Variants in SLC4A4 observed in about 807,000 individuals in gnomAD.
SLC4A4 encodes solute carrier family 4 member 4, also known as electrogenic sodium bicarbonate cotransporter 1.
In SLC4A4, 27 loss-of-function variants were observed where a neutral mutation model predicts 111.5. The ratio of observed to expected loss-of-function variants is 0.24; its 90% confidence interval spans 0.18 to 0.33. SLC4A4 has a LOEUF of 0.33. Ranked by LOEUF, SLC4A4 falls within the 10% of genes least tolerant of loss-of-function variation. SLC4A4 has a pLI of 1.00. For synonymous variants in SLC4A4, 443 were observed against 463.4 expected, an observed-to-expected ratio of 0.96 and a Z score of 0.57; for missense variants, 909 against 1,315.5, an observed-to-expected ratio of 0.69 and a Z score of 4.78.
intron 2 of SLC4A4, among the ~76,000 whole-genome samples, chr4:71,179,648 T>C (rs1196087819): frequency 6.6e-6 from 1 of 152,080 alleles, no homozygotes; most frequent in Admixed American, 6.5e-5. Flanking sequence ...TTACAAGGGA[T>C]GTGAAGGACC....
At chr4:71,525,265 T>A (rs556271620) in intron 16 of SLC4A4, among the ~76,000 whole-genome samples, 25 of 152,280 alleles carry the variant, frequency 1.6e-4, no homozygotes, top group Admixed American at 8.5e-4. Flanking sequence ...GCTGGCTTCT[T>A]ATTAGATTAA....
chr4:71,226,674 A>G (rs985478936), intron 1 of SLC4A4, among the ~76,000 whole-genome samples: 1 of 152,176 alleles, frequency 6.6e-6, no homozygotes, highest in Non-Finnish European at 1.5e-5. Flanking sequence ...TCTTCAGTTG[A>G]ATAACAGGCT....
chr4:71,312,000 A>G (rs1444373969), intron 3 of SLC4A4, among the ~76,000 whole-genome samples: 1 of 151,872 alleles, frequency 6.6e-6, no homozygotes, highest in Non-Finnish European at 1.5e-5. Flanking sequence ...TTTTGAAAAG[A>G]TTAACAAAAT....
chr4:71,141,326 C>T (rs1743989761), intron 2 of SLC4A4, among the ~76,000 whole-genome samples: 1 of 152,224 alleles, frequency 6.6e-6, no homozygotes, highest in Admixed American at 6.5e-5. Flanking sequence ...AAAACCCTTA[C>T]ATCACTTTCT....
At chr4:71,328,555 A>G (rs1727689789) in intron 3 of SLC4A4, among the ~76,000 whole-genome samples, 1 of 151,964 alleles carries the variant, frequency 6.6e-6, no homozygotes, top group Non-Finnish European at 1.5e-5. Context: ...TTTGATTTGC[A>G]TTTCTCTGAT....
At position 71,424,405 on chromosome 4, in the gene SLC4A4, A is replaced by G. The variant is rs970387892; in HGVS notation, c.808-16211A>G. On this transcript the variant is annotated intron_variant, in intron 7 of 25. Coordinates refer to ENST00000264485, the MANE Select transcript of SLC4A4 (RefSeq NM_001098484.3). ...TACACTGTTGGTGGGACTGTAAACT[A>G]GTTCAACCATTGTGGAAGTCAGTGT... Among the ~76,000 whole-genome samples the G allele has an allele frequency of 1.9e-4, 29 of 151,462 alleles. 1 individual carries two copies. The highest frequency in any genetic ancestry group is 6.8e-4 in the African/African-American group (28 of 41,366).
At chr4:71,459,637 A>C (rs1726633696) in intron 12 of SLC4A4, among the ~76,000 whole-genome samples, 1 of 152,120 alleles carries the variant, frequency 6.6e-6, no homozygotes, top group Non-Finnish European at 1.5e-5. Context: ...AAACAAAAAA[A>C]TGTAGGTGAT....
intron 8 of SLC4A4, among the ~76,000 whole-genome samples, chr4:71,443,108 C>CTA (rs1724887409): frequency 2.9e-5 from 3 of 101,960 alleles, no homozygotes; most frequent in African/African-American, 4.5e-5. Context: ...CTCTCTCTCT[C>CTA]TCTCTCTCTA....
chr4:71,505,407 G>T (rs1001326797), intron 16 of SLC4A4, among the ~76,000 whole-genome samples: 5 of 149,356 alleles, frequency 3.3e-5, no homozygotes, highest in Non-Finnish European at 4.4e-5. Flanking sequence ...TGTGAGAGAG[G>T]ATCTCATTGC....
intron 3 of SLC4A4, among the ~76,000 whole-genome samples, chr4:71,334,674 A>G (rs564869220): frequency 6.6e-6 from 1 of 152,326 alleles, no homozygotes; most frequent in Admixed American, 6.5e-5. Context: ...CCTATATGTA[A>G]TAAATAAGAC....
At chr4:71,484,167 C>T (rs1246286918) in intron 14 of SLC4A4, among the ~76,000 whole-genome samples, 2 of 151,810 alleles carry the variant, frequency 1.3e-5, no homozygotes, top group African/African-American at 4.8e-5. Context: ...TGCAGAAGCG[C>T]TTTAGTTTAA....
intron 16 of SLC4A4, among the ~76,000 whole-genome samples, chr4:71,511,281 A>G (rs894833002): frequency 3.9e-5 from 6 of 152,044 alleles, no homozygotes; most frequent in Non-Finnish European, 7.4e-5. Context: ...TCTCTTTAGC[A>G]TTTCTTGTAA....
At chr4:71,068,566 C>CT (rs112103697) in intron 1 of SLC4A4, among the ~76,000 whole-genome samples, 88 of 143,032 alleles carry the variant, frequency 6.2e-4, no homozygotes, top group Admixed American at 5.6e-4. Flanking sequence ...TTCTTTTTTT[C>CT]TTTTTTTTTT....
chr4:71,360,787 T>C (rs1386782991), intron 6 of SLC4A4, among the ~76,000 whole-genome samples: 1 of 152,196 alleles, frequency 6.6e-6, no homozygotes, highest in East Asian at 1.9e-4. Flanking sequence ...TATATTTTAT[T>C]ATTATTTATA....
At chr4:71,138,720 G>A (rs1241572844) in intron 2 of SLC4A4, among the ~76,000 whole-genome samples, 1 of 152,102 alleles carries the variant, frequency 6.6e-6, no homozygotes, top group East Asian at 1.9e-4. Context: ...AGGCTGGTTG[G>A]GTATGTTGGG....
intron 6 of SLC4A4, among the ~76,000 whole-genome samples, chr4:71,393,390 A>G (rs908075153): frequency 2.6e-5 from 4 of 152,188 alleles, no homozygotes; most frequent in Admixed American, 2.0e-4. Flanking sequence ...CGGAGAATCA[A>G]ATCAAGAATG....
chr4:71,158,976 G>A (rs577938972), intron 2 of SLC4A4, among the ~76,000 whole-genome samples: 12 of 152,200 alleles, frequency 7.9e-5, no homozygotes, highest in Non-Finnish European at 1.3e-4. Context: ...GGTGGATTTC[G>A]CAGTACTTCA....
chr4:71,273,189 C>T (rs995897968), intron 3 of SLC4A4, among the ~76,000 whole-genome samples: 1 of 152,044 alleles, frequency 6.6e-6, no homozygotes, highest in Non-Finnish European at 1.5e-5. Context: ...GAGTAATGCA[C>T]CCAAGGGCAT....
At chr4:71,172,028 C>T (rs920260538) in intron 2 of SLC4A4, among the ~76,000 whole-genome samples, 3 of 152,078 alleles carry the variant, frequency 2.0e-5, no homozygotes, top group Non-Finnish European at 2.9e-5. Context: ...TAAATAACTT[C>T]CCTGGACTAG....
Sources: allele counts gnomAD v4.1 joint callset (sites outside exome capture counted in the v4.1 genomes callset), GRCh38; gene constraint gnomAD v4.1.1; transcripts MANE v1.5; gene names NCBI Gene and HGNC (gene_info 2026-07-23, HGNC 2026-07-21).